GHR: variants seen among roughly 807,000 people sequenced by gnomAD.
The protein encoded by GHR is GH receptor.
GHR carries 35 observed loss-of-function variants against 67.1 expected under a neutral mutation model. The observed-to-expected ratio is 0.52, with a 90% CI of 0.40 to 0.69. GHR has a LOEUF of 0.69. Ranked by LOEUF, GHR falls within the 30% of genes least tolerant of loss-of-function variation. The pLI is 0.00. For missense variants in GHR, 792 were observed against 764.6 expected (o/e 1.04, Z -0.42); for synonymous variants, 272 against 269.1 (o/e 1.01, Z -0.10).
intron 6 of GHR, among the ~76,000 whole-genome samples, chr5:42,710,538 G>A (rs1424971399): frequency 6.6e-6 from 1 of 151,750 alleles, no homozygotes; most frequent in Non-Finnish European, 1.5e-5. Flanking sequence ...TGACCTTAAG[G>A]GTTGTGAGAC....
At chr5:42,465,897 T>C (rs1744708342) in intron 1 of GHR, 1 of 713,848 alleles carries the variant, frequency 1.4e-6, no homozygotes. Context: ...TCAAGTGGCT[T>C]TTCAAGTCTT....
At chr5:42,450,831 T>C (rs974363619) in intron 1 of GHR, among the ~76,000 whole-genome samples, 1 of 152,206 alleles carries the variant, frequency 6.6e-6, no homozygotes, top group Non-Finnish European at 1.5e-5. Context: ...ATAAGTTTTG[T>C]CATCATTATC....
intron 1 of GHR, among the ~76,000 whole-genome samples, chr5:42,539,004 C>T (rs1179546725): frequency 6.6e-6 from 1 of 152,070 alleles, no homozygotes; most frequent in African/African-American, 2.4e-5. Context: ...TTTCTATAAG[C>T]TTGTCCAATG....
intron 1 of GHR, among the ~76,000 whole-genome samples, chr5:42,520,090 A>G (rs1747410632): frequency 6.6e-6 from 1 of 152,200 alleles, no homozygotes; most frequent in African/African-American, 2.4e-5. Flanking sequence ...TACTATGCCT[A>G]TAGTTGGAAT....
At chr5:42,621,118 C>T (rs1242971003) in intron 2 of GHR, among the ~76,000 whole-genome samples, 2 of 152,096 alleles carry the variant, frequency 1.3e-5, no homozygotes, top group African/African-American at 4.8e-5. Context: ...GACACCTCTG[C>T]TGTTCTCCAT....
chr5:42,514,089 G>A (rs1747138305), intron 1 of GHR: 1 of 982,986 alleles, frequency 1.0e-6, no homozygotes, highest in African/African-American at 1.7e-5. Context: ...GTTAAAATGA[G>A]CAACTTCTTT....
At chr5:42,522,172 TAA>T (rs1747504819) in intron 1 of GHR, among the ~76,000 whole-genome samples, 1 of 152,152 alleles carries the variant, frequency 6.6e-6, no homozygotes, top group Admixed American at 6.5e-5. Flanking sequence ...TTTGTAATTT[TAA>T]AAAAGGCCAT....
In GHR at chr5:42,615,527, A is replaced by C. The variant is rs1561169920; in HGVS notation, c.71-13511A>C. Among the ~76,000 whole-genome samples the C allele has an allele frequency of 2.0e-5, 3 of 152,224 alleles. No individual in the cohort carries two copies. The East Asian group carries it at 5.8e-4, about 29-fold the overall frequency. On this transcript the variant is annotated intron_variant, in intron 2 of 9. Coordinates refer to ENST00000230882, the MANE Select transcript of GHR (RefSeq NM_000163.5). ...ACTATAAATGTATTGACAAATGATT[A>C]TGTATAATTAGCTCTTCATCACAAT...
chr5:42,526,545 C>T (rs1011709587), intron 1 of GHR, among the ~76,000 whole-genome samples: 5 of 152,136 alleles, frequency 3.3e-5, no homozygotes, highest in South Asian at 2.1e-4. Flanking sequence ...TGGAAGAATA[C>T]GTCAATAGAA....
At chr5:42,697,884 A>T (rs1156234114) in intron 5 of GHR, among the ~76,000 whole-genome samples, 1 of 152,208 alleles carries the variant, frequency 6.6e-6, no homozygotes, top group Non-Finnish European at 1.5e-5. Context: ...AAATGAAGCA[A>T]GAAGAATGAA....
intron 2 of GHR, among the ~76,000 whole-genome samples, chr5:42,608,515 T>C (rs1561164294): frequency 1.3e-5 from 2 of 152,130 alleles, no homozygotes; most frequent in Non-Finnish European, 2.9e-5. Flanking sequence ...GTCATAAAGA[T>C]GAGTGTCGTT....
chr5:42,580,095 G>A (rs1231347119), intron 2 of GHR, among the ~76,000 whole-genome samples: 1 of 152,062 alleles, frequency 6.6e-6, no homozygotes, highest in East Asian at 1.9e-4. Flanking sequence ...ACAGCTCACT[G>A]TAAAATCCAT....
intron 2 of GHR, among the ~76,000 whole-genome samples, chr5:42,585,850 G>A (rs1466533816): frequency 6.6e-6 from 1 of 152,134 alleles, no homozygotes. Context: ...ACTATTATAG[G>A]TGGCTGGATA....
chr5:42,445,183 G>A (rs1743754657), intron 1 of GHR, among the ~76,000 whole-genome samples: 1 of 152,142 alleles, frequency 6.6e-6, no homozygotes, highest in Non-Finnish European at 1.5e-5. Flanking sequence ...GACCCACAGT[G>A]GACATTCAGT....
intron 1 of GHR, among the ~76,000 whole-genome samples, chr5:42,490,154 C>G (rs894399191): frequency 1.6e-4 from 25 of 152,206 alleles, no homozygotes; most frequent in African/African-American, 5.5e-4. Context: ...AGAGCTCTAG[C>G]ATTTACTTAC....
intron 1 of GHR, among the ~76,000 whole-genome samples, chr5:42,426,430 C>T (rs1335335922): frequency 6.6e-6 from 1 of 152,184 alleles, no homozygotes; most frequent in Non-Finnish European, 1.5e-5. Flanking sequence ...TTTAAATCTG[C>T]TAACCTGAAG....
At chr5:42,656,036 A>G (rs1268905037) in intron 3 of GHR, among the ~76,000 whole-genome samples, 2 of 152,194 alleles carry the variant, frequency 1.3e-5, no homozygotes, top group African/African-American at 2.4e-5. Flanking sequence ...TATTAGTTAA[A>G]TCAATTTTAA....
chr5:42,661,904 AG>A (rs2112866505), intron 3 of GHR, among the ~76,000 whole-genome samples: 1 of 152,336 alleles, frequency 6.6e-6, no homozygotes, highest in South Asian at 2.1e-4. Flanking sequence ...AAAAGGATGG[AG>A]GAAGATCTAC....
intron 1 of GHR, among the ~76,000 whole-genome samples, chr5:42,518,152 A>C (rs1040700906): frequency 6.7e-6 from 1 of 148,690 alleles, no homozygotes; most frequent in African/African-American, 2.4e-5. Flanking sequence ...ATATATTATT[A>C]TATAATATAG....
Sources: gnomAD v4.1 joint callset for allele counts (sites outside exome capture counted in the v4.1 genomes callset) on GRCh38, gnomAD v4.1.1 for gene constraint, MANE v1.5 for transcripts, NCBI Gene and HGNC (gene_info 2026-07-23, HGNC 2026-07-21) for gene names.